Variants in RADIL observed in about 807,000 individuals in gnomAD.
RADIL encodes Rap associating with DIL domain, also known as ras-associating and dilute domain-containing protein.
A neutral mutation model predicts 97.6 loss-of-function variants in RADIL; 99 were observed. That is an observed-to-expected ratio of 1.01 (90% confidence interval 0.86 to 1.20). The LOEUF (loss-of-function observed/expected upper bound fraction) is 1.20, where lower values mean the gene tolerates loss of function less well. Ranked by LOEUF, RADIL falls within the 50% of genes most tolerant of loss-of-function variation. The pLI, the probability that RADIL is intolerant of heterozygous loss-of-function variation, is 0.00. For synonymous variants in RADIL, 803 were observed against 691.8 expected (o/e 1.16, Z -2.52); for missense variants, 1,765 against 1,498.9 (o/e 1.18, Z -2.93).
chr7:4,801,904 G>A lies in RADIL; in HGVS notation c.2591C>T (p.Ala864Val), dbSNP rs1234264447. The change falls in exon 12 of 15, where the codon GCC becomes GTC. Residue 864 changes from alanine to valine, a missense_variant. Physicochemically the swap from Ala to Val is moderately conservative, Grantham distance 64 (BLOSUM62 0). Transcript: ENST00000399583. Reference sequence around the variant, plus strand: ...CCTCAAGGGAAGAGTACGCTCCGGGGCCACTTCCCGGGCTGCTGGGCCAGG... The same window carrying A: ...CCTCAAGGGAAGAGTACGCTCCGGGACCACTTCCCGGGCTGCTGGGCCAGG... Reference protein sequence around the residue: ...RDPGPAAREVAPERTLPLRGA... With the variant: ...RDPGPAAREVVPERTLPLRGA... The A allele has an allele frequency of 6.4e-7, 1 of 1,573,090 alleles. No homozygotes were observed.
rs2840133 is a variant in RADIL, at chr7:4,815,636, G to C, written c.1967-186C>G. ...CCAGCCTTGAACCCCTCTCTGGAGC[G>C]GGGGTACGGTGGGAGGTGAACGTAG... is the stretch of plus-strand genomic sequence containing the variant. On this transcript the variant is annotated intron_variant, in intron 8 of 14. Transcript: ENST00000399583. The surrounding 1 kb of genome is among the most constrained non-coding windows in gnomAD (Gnocchi z 8.0). 6.6e-6 allele frequency among the ~76,000 whole-genome samples: 1 copy of C among 152,158 alleles called. No individual in the cohort carries two copies. The highest frequency in any genetic ancestry group is 2.4e-5 in the African/African-American group (1 of 41,438).
rs1280129738 is a variant in RADIL, at chr7:4,828,744, AG to A, written c.1454+3396del. ...TGATTCATTATTTTACAAAGGAAAA[AG>A]GAAAAGCCCCCCAGGCATGCAAGAG... On this transcript the variant is annotated intron_variant, in intron 5 of 14. Coordinates refer to ENST00000399583, the MANE Select transcript of RADIL (RefSeq NM_018059.5). Among the ~76,000 whole-genome samples the A allele has an allele frequency of 2.6e-5, 4 of 152,322 alleles. No individual in the cohort carries two copies. The East Asian group carries it at 7.7e-4, about 29-fold the overall frequency.
At chr7:4,865,298 C>A in intron 2 of RADIL, 1 of 461,472 alleles carries the variant, frequency 2.2e-6, no homozygotes, top group South Asian at 2.4e-5. Context: ...GACAACAGAC[C>A]ATATATACAA....
chr7:4,845,309 T>G (rs11982790), intron 2 of RADIL, among the ~76,000 whole-genome samples: 6,915 of 152,126 alleles, frequency 0.045, 503 homozygotes, highest in African/African-American at 0.15. Flanking sequence ...TCCCAGCTAC[T>G]CAGGAGGTGG....
chr7:4,809,120 G>T, intron 9 of RADIL: 9 of 984,900 alleles, frequency 9.1e-6, no homozygotes, highest in Non-Finnish European at 1.1e-5. Context: ...CGCAGGACAG[G>T]CGCTTCCTGG....
chr7:4,871,386 AGCGGCGCTTCCC>A (rs1784250381), intron 2 of RADIL, among the ~76,000 whole-genome samples: 1 of 152,234 alleles, frequency 6.6e-6, no homozygotes, highest in South Asian at 2.1e-4. Flanking sequence ...AGAGGAAGGC[AGCGGCGCTTCCC>A]GCGTGCACAC....
chr7:4,858,737 C>T (rs1783897434), intron 2 of RADIL: 1 of 152,468 alleles, frequency 6.6e-6, no homozygotes, highest in African/African-American at 2.4e-5. Context: ...TAAAGTTTTG[C>T]TAAAATGTGG....
At chr7:4,807,712 C>T (rs1490781606) in intron 9 of RADIL, among the ~76,000 whole-genome samples, 1 of 92,578 alleles carries the variant, frequency 1.1e-5, no homozygotes, top group East Asian at 3.6e-4. Flanking sequence ...CTCCCTCCTC[C>T]CTCTCCTTCT....
Position 4,815,324 on chromosome 7 carries a change from G to A in RADIL, c.2093C>T (p.Ser698Phe), listed in dbSNP as rs1782649192. 1.3e-6 allele frequency: 2 copies of A among 1,559,136 alleles called. No individual in the cohort carries two copies. The highest frequency in any genetic ancestry group is 1.4e-5 in the African/African-American group (1 of 73,744). ...TGTGGCCAGCAGGTTGAGGGTGCAG[G>A]AGAGCTTCTGGAAGAAGTGCTCTCC... The part of the protein sequence containing the change: ...AAGEHFFQKL[S>F]CTLNLLATPR... The change falls in exon 9 of 15, where the codon TCC becomes TTC. Residue 698 changes from serine to phenylalanine, a missense_variant. Coordinates refer to ENST00000399583, the MANE Select transcript of RADIL (RefSeq NM_018059.5). This position sits in a 1 kb window ranked among gnomAD's most constrained non-coding sequence, Gnocchi z 8.0.
intron 13 of RADIL, 66 bp downstream of exon 13, chr7:4,800,105 G>T (rs915191768): frequency 6.5e-7 from 1 of 1,547,090 alleles, no homozygotes; most frequent in Non-Finnish European, 8.6e-7. Context: ...CTGCGGCCAG[G>T]CTTGCATGAA....
In RADIL at chr7:4,835,090, G is replaced by C. The variant is rs370050942; in HGVS notation, c.933C>G (p.Ala311=). 2.2e-5 allele frequency: 35 copies of C among 1,608,090 alleles called. No homozygotes were observed. In the Admixed American group the frequency reaches 2.2e-4, roughly 10 times the overall value. Residue 311 remains alanine (A), a synonymous_variant, in exon 4 of 15, where the codon GCC becomes GCG. Transcript: ENST00000399583. This position sits in a 1 kb window ranked among gnomAD's most constrained non-coding sequence, Gnocchi z 5.8. ...RRQPLPDSGQ[A]AGRLVLEPIP... ...TGGGCTCCAGGACCAGCCTCCCCGC[G>C]GCCTGGCCGCTGTCCGGGAGCGGTT...
At position 4,824,008 on chromosome 7, in the gene RADIL, C is replaced by T. The variant is rs959801596; in HGVS notation, c.1455-1454G>A. 6.6e-6 allele frequency among the ~76,000 whole-genome samples: 1 copy of T among 152,242 alleles called. No individual in the cohort carries two copies. Among genetic ancestry groups the T allele is most frequent in the Admixed American group, 6.5e-5 (1 of 15,290 alleles). ...CCTAAGTCTCCATAATCGCACCTGG[C>T]GGACACAAATAGCCGTGTGCCCCTG... On this transcript the variant is annotated intron_variant, in intron 5 of 14. Transcript: ENST00000399583. The surrounding 1 kb of genome is among the most constrained non-coding windows in gnomAD (Gnocchi z 6.7).
Position 4,799,308 on chromosome 7 carries a change from G to A in RADIL, c.*70C>T, listed in dbSNP as rs1229849138. 1.3e-6 allele frequency: 2 copies of A among 1,498,846 alleles called. No homozygotes were observed. The allele number at this position is 1,498,846 out of a possible 1,614,324, so 92.8% of individuals were successfully genotyped here. A position where few individuals can be genotyped will look rare whatever the true frequency, so the allele number is the denominator to read the frequency against. On this transcript the variant is annotated 3_prime_UTR_variant, in exon 15 of 15. Transcript: ENST00000399583. ...TGGTCAGTTACAAAACAGGGACGAA[G>A]GCGGGAGGAAGCCCAGTGTCACCAG...
chr7:4,815,496 GGGGAC>G lies in RADIL; in HGVS notation c.1967-51_1967-47del. ...GGTGATGCCTGGGCTGCCCTCCTGG[GGGGAC>G]ACAGACATGGGCCTGTCCCCAGAGC... On this transcript the variant is annotated intron_variant, in intron 8 of 14. Coordinates refer to ENST00000399583, the MANE Select transcript of RADIL (RefSeq NM_018059.5). This position sits in a 1 kb window ranked among gnomAD's most constrained non-coding sequence, Gnocchi z 8.0. The G allele has an allele frequency of 6.9e-7, 1 of 1,451,804 alleles. No individual in the cohort carries two copies. Among genetic ancestry groups the G allele is most frequent in the African/African-American group, 1.4e-5 (1 of 70,708 alleles). The allele number at this position is 1,451,804 out of a possible 1,614,324, so 89.9% of individuals were successfully genotyped here.
chr7:4,855,599 T>C (rs1037549037), intron 2 of RADIL, among the ~76,000 whole-genome samples: 11 of 139,200 alleles, frequency 7.9e-5, no homozygotes, highest in South Asian at 2.3e-4. Context: ...ACCTAGACAC[T>C]GTTAGACTTT....
rs1782710321 is a variant in RADIL at position 4,817,546 on chromosome 7, C to G, written c.1616-195G>C. ...GCAGCAAACCTGCCGCCACTCTTAC[C>G]TGGGGAGGGGAATGCCGGGAGGGGC... On this transcript the variant is annotated intron_variant, in intron 6 of 14. Transcript: ENST00000399583. This position sits in a 1 kb window ranked among gnomAD's most constrained non-coding sequence, Gnocchi z 8.3. 6.6e-6 allele frequency among the ~76,000 whole-genome samples: 1 copy of G among 152,148 alleles called. No individual in the cohort carries two copies. The highest frequency in any genetic ancestry group is 2.1e-4 in the South Asian group (1 of 4,824).
In RADIL at chr7:4,849,494, A is replaced by G. The variant is rs536538711; in HGVS notation, c.536-12889T>C. On this transcript the variant is annotated intron_variant, in intron 2 of 14. Coordinates refer to ENST00000399583, the MANE Select transcript of RADIL (RefSeq NM_018059.5). This position sits in a 1 kb window ranked among gnomAD's most constrained non-coding sequence, Gnocchi z 5.4. ...TTCTGTGGAATGTCGGCCAGGCTGCAGCTGTGAGGCTACAGCTTGGTTTTT... is the reference window on the plus strand; with the variant it reads ...TTCTGTGGAATGTCGGCCAGGCTGCGGCTGTGAGGCTACAGCTTGGTTTTT... Among the ~76,000 whole-genome samples, 20 of 152,298 alleles carry G rather than the reference A, an allele frequency of 1.3e-4. No individual in the cohort carries two copies. The East Asian group carries it at 3.3e-3, about 25-fold the overall frequency.
chr7:4,882,860 C>CA (rs1370610508), intron 1 of RADIL, among the ~76,000 whole-genome samples: 1 of 152,220 alleles, frequency 6.6e-6, no homozygotes, highest in African/African-American at 2.4e-5. Context: ...CACGAGCAAT[C>CA]AGATTCTTCT....
intron 2 of RADIL, chr7:4,865,362 G>T (rs1784107766): frequency 5.2e-6 from 3 of 577,304 alleles, no homozygotes; most frequent in South Asian, 2.1e-5. Flanking sequence ...TTTCTGTGTG[G>T]TTTTTTTTTG....
Sources: gnomAD v4.1 joint callset for allele counts (sites outside exome capture counted in the v4.1 genomes callset) on GRCh38, gnomAD v4.1.1 for gene constraint, Gnocchi (gnomAD v3.1) non-coding constraint, MANE v1.5 for transcripts, NCBI Gene and HGNC (gene_info 2026-07-23, HGNC 2026-07-21) for gene names.